CCDC6: variants seen among roughly 807,000 people sequenced by gnomAD.
CCDC6 encodes coiled-coil domain-containing protein 6.
In CCDC6, 20 loss-of-function variants were observed where a neutral mutation model predicts 56.6. The observed-to-expected ratio is 0.35, with a 90% CI of 0.25 to 0.51. The LOEUF (loss-of-function observed/expected upper bound fraction) is 0.51. Ranked by LOEUF, CCDC6 falls within the 20% of genes least tolerant of loss-of-function variation. The pLI is 0.95. For synonymous variants in CCDC6, 241 were observed against 234.4 expected (o/e 1.03, Z -0.26); for missense variants, 367 against 601.1 (o/e 0.61, Z 4.07).
chr10:59,804,202 A>G (rs1360570576), intron 7 of CCDC6, among the ~76,000 whole-genome samples: 2 of 151,632 alleles, frequency 1.3e-5, no homozygotes, highest in African/African-American at 2.4e-5. Context: ...AAAAAAAAAA[A>G]AGAAGAAGAA....
chr10:59,850,032 G>A (rs2071024585), intron 2 of CCDC6, among the ~76,000 whole-genome samples: 1 of 152,136 alleles, frequency 6.6e-6, no homozygotes, highest in South Asian at 2.1e-4. Context: ...ATAGAGGTCA[G>A]GTTCTTAGGC....
At chr10:59,815,678 AAAT>A (rs1267756529) in intron 3 of CCDC6, among the ~76,000 whole-genome samples, 1 of 152,230 alleles carries the variant, frequency 6.6e-6, no homozygotes. Context: ...TTGACATATT[AAAT>A]AATTAAAAAT....
chr10:59,861,936 A>G (rs2071132224), intron 1 of CCDC6, among the ~76,000 whole-genome samples: 1 of 152,216 alleles, frequency 6.6e-6, no homozygotes, highest in African/African-American at 2.4e-5. Flanking sequence ...TTAATGAAAC[A>G]GAATGAACCA....
chr10:59,861,908 C>T (rs1484072367), intron 1 of CCDC6, among the ~76,000 whole-genome samples: 2 of 152,116 alleles, frequency 1.3e-5, no homozygotes, highest in Non-Finnish European at 2.9e-5. Context: ...GAAGATATGG[C>T]GAAAGTTTCT....
chr10:59,832,781 G>A lies in CCDC6; in HGVS notation c.454-128C>T, dbSNP rs929213933. 7 of 913,022 alleles carry A rather than the reference G, an allele frequency of 7.7e-6. No individual in the cohort carries two copies. In the Admixed American group the frequency reaches 1.6e-4, roughly 21 times the overall value. The allele number at this position is 913,022 out of a possible 1,614,324, so 56.6% of individuals were successfully genotyped here. On this transcript the variant is annotated intron_variant, in intron 2 of 8. Coordinates refer to ENST00000263102, the MANE Select transcript of CCDC6 (RefSeq NM_005436.5). ...TTACATTACCCATTTTTGCTCAAAT[G>A]TGCAAGTATATACCTAGTAATCTGT...
At chr10:59,821,544 A>T (rs1356432442) in intron 3 of CCDC6, among the ~76,000 whole-genome samples, 1 of 152,216 alleles carries the variant, frequency 6.6e-6, no homozygotes. Context: ...CATAGACCAC[A>T]GAGTATCCCC....
chr10:59,887,447 G>A (rs7920432), intron 1 of CCDC6, among the ~76,000 whole-genome samples: 20 of 144,172 alleles, frequency 1.4e-4, no homozygotes, highest in African/African-American at 5.1e-4. Context: ...ACAATGGTAA[G>A]AGATACCCAC....
chr10:59,897,037 C>A lies in CCDC6; in HGVS notation c.303+9085G>T, dbSNP rs144711396. On this transcript the variant is annotated intron_variant, in intron 1 of 8. Transcript: ENST00000263102. ...GTCTAACTCTACTTTATGGAGAATA[C>A]ACTTAAAACAGTACTCTTTGGTTAA... 3.9e-5 allele frequency among the ~76,000 whole-genome samples: 6 copies of A among 152,230 alleles called. No homozygotes were observed. The East Asian group carries it at 9.7e-4, about 24-fold the overall frequency.
intron 1 of CCDC6, among the ~76,000 whole-genome samples, chr10:59,858,369 A>G (rs774321054): frequency 2.0e-5 from 3 of 152,210 alleles, no homozygotes; most frequent in Non-Finnish European, 4.4e-5. Flanking sequence ...CAGTATTGCC[A>G]GCAAGTCACT....
chr10:59,797,154 A>C (rs1449670927), intron 7 of CCDC6, among the ~76,000 whole-genome samples: 2 of 152,184 alleles, frequency 1.3e-5, no homozygotes, highest in African/African-American at 4.8e-5. Flanking sequence ...CCAGTCACAG[A>C]AGGACAAATC....
intron 3 of CCDC6, among the ~76,000 whole-genome samples, chr10:59,829,995 C>T (rs773904200): frequency 3.3e-4 from 50 of 152,202 alleles, no homozygotes; most frequent in Non-Finnish European, 6.8e-4. Context: ...GCTTTGAAGT[C>T]AGAGCCCAGG....
At chr10:59,881,897 C>G (rs1479704125) in intron 1 of CCDC6, among the ~76,000 whole-genome samples, 2 of 152,028 alleles carry the variant, frequency 1.3e-5, no homozygotes, top group Non-Finnish European at 1.5e-5. Flanking sequence ...TGAATACTTA[C>G]GAATACTTAG....
intron 1 of CCDC6, among the ~76,000 whole-genome samples, chr10:59,861,222 G>A (rs913411796): frequency 4.0e-5 from 6 of 151,798 alleles, no homozygotes; most frequent in South Asian, 4.2e-4. Context: ...ATCCGGGTGC[G>A]GTGGTGTGTG....
chr10:59,834,024 C>T (rs2070858153), intron 2 of CCDC6, among the ~76,000 whole-genome samples: 2 of 152,126 alleles, frequency 1.3e-5, no homozygotes, highest in Admixed American at 1.3e-4. Flanking sequence ...CCTACCACAC[C>T]CTGTGCACCT....
intron 1 of CCDC6, among the ~76,000 whole-genome samples, chr10:59,874,078 C>T (rs1324829117): frequency 6.7e-6 from 1 of 150,128 alleles, no homozygotes; most frequent in Non-Finnish European, 1.5e-5. Flanking sequence ...GAAGCATGTC[C>T]GAAGCGTAGA....
At chr10:59,866,797 G>GC (rs1162691917) in intron 1 of CCDC6, among the ~76,000 whole-genome samples, 2 of 152,196 alleles carry the variant, frequency 1.3e-5, no homozygotes, top group Non-Finnish European at 2.9e-5. Flanking sequence ...TCCAAAGGCT[G>GC]CAGCATCATT....
At chr10:59,901,719 C>T (rs1050692643) in intron 1 of CCDC6, among the ~76,000 whole-genome samples, 1 of 152,180 alleles carries the variant, frequency 6.6e-6, no homozygotes, top group Non-Finnish European at 1.5e-5. Flanking sequence ...CCTGCTTATA[C>T]ACGGAGAATG....
At chr10:59,814,353 C>T (rs1016875193) in intron 4 of CCDC6, among the ~76,000 whole-genome samples, 2 of 152,176 alleles carry the variant, frequency 1.3e-5, no homozygotes, top group African/African-American at 4.8e-5. Context: ...GTTGAAATTG[C>T]AACCATTCTT....
In CCDC6 at chr10:59,883,235, T is replaced by C. The variant is rs183029528; in HGVS notation, c.303+22887A>G. ...TCTTTGCAATAAGCAGACAACACTG[T>C]CAGTTACGAAAAGGACTAAAGTATA... On this transcript the variant is annotated intron_variant, in intron 1 of 8. Coordinates refer to ENST00000263102, the MANE Select transcript of CCDC6 (RefSeq NM_005436.5). Among the ~76,000 whole-genome samples the C allele has an allele frequency of 4.7e-3, 708 of 152,168 alleles. 5 individuals are homozygous for C. The highest frequency in any genetic ancestry group is 0.015 in the African/African-American group (642 of 41,502).
Sources: allele counts gnomAD v4.1 joint callset (sites outside exome capture counted in the v4.1 genomes callset), GRCh38; gene constraint gnomAD v4.1.1; transcripts MANE v1.5; gene names NCBI Gene and HGNC (gene_info 2026-07-23, HGNC 2026-07-21).